MTMR7: variants seen among roughly 807,000 people sequenced by gnomAD.
MTMR7 encodes phosphatidylinositol-3-phosphate phosphatase MTMR7.
MTMR7 carries 76 observed loss-of-function variants against 81.2 expected under a neutral mutation model. That is an observed-to-expected ratio of 0.94 (90% CI 0.78 to 1.13). MTMR7 has a LOEUF of 1.13. Ranked by LOEUF, MTMR7 falls within the 50% of genes most tolerant of loss-of-function variation. The pLI is 0.00. For missense variants in MTMR7, 1,044 were observed against 820.0 expected, an observed-to-expected ratio of 1.27 and a Z score of -3.34; for synonymous variants, 372 against 289.8, an observed-to-expected ratio of 1.28 and a Z score of -2.88.
intron 1 of MTMR7, among the ~76,000 whole-genome samples, chr8:17,396,908 A>G (rs1174619115): frequency 6.6e-6 from 1 of 151,832 alleles, no homozygotes; most frequent in Non-Finnish European, 1.5e-5. Context: ...TACCAGGCAG[A>G]GTTAGTTGTG....
intron 10 of MTMR7, among the ~76,000 whole-genome samples, chr8:17,306,555 C>T (rs1817467288): frequency 6.6e-6 from 1 of 152,198 alleles, no homozygotes; most frequent in African/African-American, 2.4e-5. Context: ...TCGTCTTCCT[C>T]AAATTTGTAT....
intron 1 of MTMR7, among the ~76,000 whole-genome samples, chr8:17,379,396 C>T (rs1338638975): frequency 2.6e-5 from 4 of 152,202 alleles, no homozygotes; most frequent in African/African-American, 9.6e-5. Context: ...AAGCAACTGG[C>T]ACGTCAAGAC....
At chr8:17,365,466 T>C (rs1194060883) in intron 3 of MTMR7, among the ~76,000 whole-genome samples, 1 of 152,228 alleles carries the variant, frequency 6.6e-6, no homozygotes, top group Non-Finnish European at 1.5e-5. Context: ...ATCCCTCACC[T>C]GATTTTCTAC....
intron 12 of MTMR7, 48 bp downstream of exon 12, chr8:17,304,331 G>A (rs1411359505): frequency 1.3e-6 from 2 of 1,589,478 alleles, no homozygotes; most frequent in Non-Finnish European, 1.7e-6. Context: ...AACGGTACCA[G>A]AATCCAAGTT....
At chr8:17,323,334 G>C (rs996328725) in intron 7 of MTMR7, among the ~76,000 whole-genome samples, 1 of 151,990 alleles carries the variant, frequency 6.6e-6, no homozygotes, top group African/African-American at 2.4e-5. Context: ...TACATCCCTT[G>C]ACTCCACTTT....
Position 17,344,137 on chromosome 8 carries a change from C to A in MTMR7, c.598-2640G>T, listed in dbSNP as rs144951025. Among the ~76,000 whole-genome samples, 464 of 152,278 alleles carry A rather than the reference C, an allele frequency of 3.0e-3. 2 individuals are homozygous for A. Among genetic ancestry groups the A allele is most frequent in the Middle Eastern group, 0.024 (7 of 294 alleles). On this transcript the variant is annotated intron_variant, in intron 5 of 13. Coordinates refer to ENST00000180173, the MANE Select transcript of MTMR7 (RefSeq NM_004686.5). ...ACAATAAGACCTATTATTGGCTCCA[C>A]TTGATACATGAAGTGACCAAAGCAC...
intron 4 of MTMR7, among the ~76,000 whole-genome samples, chr8:17,357,637 C>T (rs1383754036): frequency 6.6e-6 from 1 of 152,132 alleles, no homozygotes; most frequent in Non-Finnish European, 1.5e-5. Context: ...CACTCAAAGT[C>T]GCAGTTTCCA....
At chr8:17,396,599 A>C (rs1332964232) in intron 1 of MTMR7, among the ~76,000 whole-genome samples, 2 of 152,112 alleles carry the variant, frequency 1.3e-5, no homozygotes, top group African/African-American at 4.8e-5. Context: ...AAGCCTCACT[A>C]CTGCAGGCTA....
chr8:17,350,401 G>C (rs1265813954), intron 4 of MTMR7, among the ~76,000 whole-genome samples: 1 of 152,214 alleles, frequency 6.6e-6, no homozygotes, highest in Non-Finnish European at 1.5e-5. Flanking sequence ...CGTCTTACGT[G>C]GTAGCAGGCA....
At chr8:17,376,423 C>T (rs1298914240) in intron 1 of MTMR7, among the ~76,000 whole-genome samples, 1 of 152,190 alleles carries the variant, frequency 6.6e-6, no homozygotes, top group African/African-American at 2.4e-5. Flanking sequence ...TTTGTATGGA[C>T]ATATGCTTTC....
At chr8:17,335,165 G>A (rs1819191957) in intron 6 of MTMR7, among the ~76,000 whole-genome samples, 1 of 152,190 alleles carries the variant, frequency 6.6e-6, no homozygotes, top group African/African-American at 2.4e-5. Context: ...CGAGCAGAGA[G>A]GGATGGGCAC....
intron 3 of MTMR7, among the ~76,000 whole-genome samples, chr8:17,368,657 T>C (rs1820313661): frequency 6.6e-6 from 1 of 152,168 alleles, no homozygotes; most frequent in Admixed American, 6.5e-5. Flanking sequence ...TTACAGCCTA[T>C]AATATGCCCT....
At chr8:17,374,317 G>C (rs770337497) in intron 1 of MTMR7, among the ~76,000 whole-genome samples, 1 of 151,960 alleles carries the variant, frequency 6.6e-6, no homozygotes, top group Non-Finnish European at 1.5e-5. Context: ...GAAATCCCAC[G>C]TCTCTACTAA....
rs765898742 is a variant in MTMR7 at position 17,309,279 on chromosome 8, G to C, written c.1149C>G (p.His383Gln). 3.9e-6 allele frequency: 6 copies of C among 1,529,230 alleles called. No individual in the cohort carries two copies. Among genetic ancestry groups the C allele is most frequent in the Non-Finnish European group, 5.4e-6 (6 of 1,103,920 alleles). The allele number at this position is 1,529,230 out of a possible 1,614,324, so 94.7% of individuals were successfully genotyped here. The change falls in exon 10 of 14, where the codon CAC becomes CAG. Residue 383 changes from histidine to glutamine, a missense_variant and splice_region_variant. His to Gln is a conservative substitution (Grantham distance 24, BLOSUM62 0). Transcript: ENST00000180173. Reference protein sequence around the residue: ...DWISFGHKFNHRYGNLDGDPK... With the variant: ...DWISFGHKFNQRYGNLDGDPK... ...AAACAGTCTTAAATATTACTTACCG[G>C]TGATTAAACTTATGACCAAAGGAAA...
intron 1 of MTMR7, among the ~76,000 whole-genome samples, chr8:17,396,927 A>T (rs569882524): frequency 3.6e-4 from 54 of 152,036 alleles, no homozygotes; most frequent in African/African-American, 1.3e-3. Flanking sequence ...TGAGGCCCCC[A>T]TTCCAGGCCT....
intron 1 of MTMR7, among the ~76,000 whole-genome samples, chr8:17,401,201 AG>A (rs1195420058): frequency 6.6e-6 from 1 of 152,188 alleles, no homozygotes; most frequent in Admixed American, 6.5e-5. Flanking sequence ...GAGGTGAGTT[AG>A]GATTGTTATT....
chr8:17,318,607 C>T (rs1210188183), intron 7 of MTMR7, among the ~76,000 whole-genome samples: 2 of 152,118 alleles, frequency 1.3e-5, no homozygotes, highest in Admixed American at 6.5e-5. Context: ...GGGGTCCTAC[C>T]GCATCATGTC....
At chr8:17,390,818 T>C (rs1315055818) in intron 1 of MTMR7, among the ~76,000 whole-genome samples, 2 of 152,150 alleles carry the variant, frequency 1.3e-5, no homozygotes, top group African/African-American at 4.8e-5. Context: ...GAGAACTCAC[T>C]ACCGCTTACC....
intron 3 of MTMR7, 152 bp from the exon 4 acceptor site, chr8:17,361,426 A>T (rs1274542126): frequency 1.3e-6 from 1 of 746,876 alleles, no homozygotes; most frequent in Non-Finnish European, 2.2e-6. Flanking sequence ...TGTGCAGTGG[A>T]TAGGGTCCCC....
Sources: allele counts gnomAD v4.1 joint callset (sites outside exome capture counted in the v4.1 genomes callset), GRCh38; gene constraint gnomAD v4.1.1; transcripts MANE v1.5; gene names NCBI Gene and HGNC (gene_info 2026-07-23, HGNC 2026-07-21).